The following ZNF131 variants were observed in gnomAD, a reference collection of about 807,000 sequenced individuals.
The protein encoded by ZNF131 is zinc finger and BTB domain containing 35.
In ZNF131, 7 loss-of-function variants were observed where a neutral mutation model predicts 60.0. The ratio of observed to expected loss-of-function variants is 0.12; its 90% CI spans 0.07 to 0.22. The LOEUF (loss-of-function observed/expected upper bound fraction) is 0.22. Ranked by LOEUF, ZNF131 falls within the 10% of genes least tolerant of loss-of-function variation. The pLI is 1.00. For synonymous variants in ZNF131, 257 were observed against 253.2 expected, an observed-to-expected ratio of 1.01 and a Z score of -0.14; for missense variants, 493 against 740.9, an observed-to-expected ratio of 0.67 and a Z score of 3.88.
intron 4 of ZNF131, among the ~76,000 whole-genome samples, chr5:43,153,296 A>G (rs1385609094): frequency 6.6e-6 from 1 of 151,972 alleles, no homozygotes; most frequent in African/African-American, 2.4e-5. Flanking sequence ...AGGCTATTCC[A>G]GGATTATTGT....
rs776237545 is a variant in ZNF131 at position 43,171,653 on chromosome 5, C to T, written c.1055-1665C>T. Among the ~76,000 whole-genome samples, 10 of 152,120 alleles carry T rather than the reference C, an allele frequency of 6.6e-5. No individual in the cohort carries two copies. In the South Asian group the frequency reaches 1.0e-3, roughly 16 times the overall value. ...ATTTATTTTTTTTGAGATGGAGTCT[C>T]GCTCTGTCGCCCAAGCTAGAGTACA... On this transcript the variant is annotated intron_variant, in intron 5 of 6. Transcript: ENST00000682664.
At chr5:43,142,189 A>C (rs923679551) in intron 4 of ZNF131, among the ~76,000 whole-genome samples, 4 of 151,504 alleles carry the variant, frequency 2.6e-5, no homozygotes, top group Non-Finnish European at 5.9e-5. Context: ...AAAATACAAA[A>C]AAAATTAGCC....
intron 1 of ZNF131, among the ~76,000 whole-genome samples, 191 bp downstream of exon 1, chr5:43,121,314 T>A (rs902733295): frequency 6.6e-6 from 1 of 152,186 alleles, no homozygotes; most frequent in African/African-American, 2.4e-5. Context: ...TCCCAGCTTC[T>A]GGCCCTGCCA....
chr5:43,143,898 C>CTTTTTTTTTTTTTTTTTTT lies in ZNF131; in HGVS notation c.371+4609_371+4627dup, dbSNP rs79246574. Among the ~76,000 whole-genome samples, 3 of 34,994 alleles carry CTTTTTTTTTTTTTTTTTTT rather than the reference C, an allele frequency of 8.6e-5. 1 individual carries two copies. Among genetic ancestry groups the CTTTTTTTTTTTTTTTTTTT allele is most frequent in the Non-Finnish European group, 1.5e-4 (3 of 20,168 alleles). The allele number at this position is 34,994 out of a possible 152,430, so 23.0% of individuals were successfully genotyped here. On this transcript the variant is annotated intron_variant, in intron 4 of 6. Transcript: ENST00000682664. ...TAGGTTCTCTGGAATATTGTCAGAGCTTTTTTTTTTTTTTTTTTTTTTTTT... is the reference window on the plus strand; with the variant it reads ...TAGGTTCTCTGGAATATTGTCAGAGCTTTTTTTTTTTTTTTTTTTTTTTTTTTTTTTTTTTTTTTTTTTT...
chr5:43,126,145 T>G (rs556445873), intron 3 of ZNF131, among the ~76,000 whole-genome samples: 2 of 152,368 alleles, frequency 1.3e-5, no homozygotes, highest in East Asian at 3.9e-4. Flanking sequence ...TTTAACTGTT[T>G]GTGTGCTGTG....
At chr5:43,130,636 C>T (rs1050131029) in intron 3 of ZNF131, among the ~76,000 whole-genome samples, 12 of 151,782 alleles carry the variant, frequency 7.9e-5, no homozygotes, top group Non-Finnish European at 2.9e-5. Context: ...GTGATCTCGG[C>T]TCACCGCAAC....
chr5:43,124,345 C>T (rs2112103507), intron 3 of ZNF131: 1 of 152,166 alleles, frequency 6.6e-6, no homozygotes, highest in South Asian at 2.1e-4. Context: ...TTTTAGGGTT[C>T]TTGGGTTTTG....
chr5:43,148,236 A>T (rs1016615043), intron 4 of ZNF131, among the ~76,000 whole-genome samples: 2 of 151,560 alleles, frequency 1.3e-5, no homozygotes, highest in Non-Finnish European at 2.9e-5. Flanking sequence ...TTAACTAGCT[A>T]TGTGTGGTGG....
At chr5:43,163,095 C>T (rs1037309966) in intron 5 of ZNF131, among the ~76,000 whole-genome samples, 26 of 148,828 alleles carry the variant, frequency 1.7e-4, no homozygotes, top group Non-Finnish European at 3.6e-4. Context: ...CCTCAGCCTC[C>T]TGAGTAAGCT....
chr5:43,140,852 G>A (rs987148958), intron 4 of ZNF131, among the ~76,000 whole-genome samples: 1 of 152,074 alleles, frequency 6.6e-6, no homozygotes, highest in African/African-American at 2.4e-5. Flanking sequence ...TGAGTAGCTG[G>A]GATTACAGGT....
chr5:43,159,296 C>T (rs532541506), intron 4 of ZNF131, among the ~76,000 whole-genome samples: 1 of 152,256 alleles, frequency 6.6e-6, no homozygotes, highest in South Asian at 2.1e-4. Flanking sequence ...TTTCAGTTCA[C>T]AAGATGTGAG....
intron 2 of ZNF131, 85 bp downstream of exon 2, chr5:43,122,262 T>A (rs1413820443): frequency 1.3e-5 from 19 of 1,483,472 alleles, no homozygotes; most frequent in African/African-American, 1.1e-4. Context: ...TTTTTTTTTT[T>A]TTTTTTTAAC....
At chr5:43,148,125 A>G (rs1277158368) in intron 4 of ZNF131, among the ~76,000 whole-genome samples, 1 of 147,652 alleles carries the variant, frequency 6.8e-6, no homozygotes, top group Admixed American at 6.8e-5. Context: ...TAATCCTAGC[A>G]CTTTGGGAGG....
intron 5 of ZNF131, among the ~76,000 whole-genome samples, chr5:43,169,459 T>C (rs1031037074): frequency 1.1e-4 from 17 of 152,240 alleles, no homozygotes; most frequent in African/African-American, 4.1e-4. Flanking sequence ...ATACATTCCT[T>C]GCATTTTCAG....
intron 5 of ZNF131, among the ~76,000 whole-genome samples, chr5:43,165,688 C>T (rs1332003402): frequency 6.6e-6 from 1 of 152,140 alleles, no homozygotes; most frequent in African/African-American, 2.4e-5. Context: ...TCTTAGGGAC[C>T]CTAGGATTTT....
At chr5:43,122,603 C>T (rs1744009398) in intron 2 of ZNF131, among the ~76,000 whole-genome samples, 1 of 152,104 alleles carries the variant, frequency 6.6e-6, no homozygotes, top group African/African-American at 2.4e-5. Context: ...TCCATTGCAG[C>T]ACTCATACCC....
rs182057533 is a variant in ZNF131, at chr5:43,137,868, A to G, written c.227-1297A>G. 5.3e-5 allele frequency among the ~76,000 whole-genome samples: 8 copies of G among 152,356 alleles called. No homozygotes were observed. In the East Asian group the frequency reaches 1.5e-3, roughly 29 times the overall value. ...TGGATAAAGAAAATGTAGTATATGT[A>G]TCCAATGGAATACTATTCAGCTCTT... On this transcript the variant is annotated intron_variant, in intron 3 of 6. Coordinates refer to ENST00000682664, the MANE Select transcript of ZNF131 (RefSeq NM_001330707.2).
At chr5:43,133,231 C>T (rs142573919) in intron 3 of ZNF131, among the ~76,000 whole-genome samples, 3 of 152,098 alleles carry the variant, frequency 2.0e-5, no homozygotes, top group East Asian at 3.9e-4. Context: ...TTTGGGAGGC[C>T]GAGGTGGACG....
At chr5:43,128,924 T>A (rs1744945587) in intron 3 of ZNF131, among the ~76,000 whole-genome samples, 1 of 151,884 alleles carries the variant, frequency 6.6e-6, no homozygotes, top group Non-Finnish European at 1.5e-5. Context: ...TATTTTTATT[T>A]ATTATTTATT....
Sources: allele counts gnomAD v4.1 joint callset (sites outside exome capture counted in the v4.1 genomes callset), GRCh38; gene constraint gnomAD v4.1.1; transcripts MANE v1.5; gene names NCBI Gene and HGNC (gene_info 2026-07-23, HGNC 2026-07-21).